The following DSCAM variants were observed in gnomAD, a reference collection of about 807,000 sequenced individuals.
DSCAM encodes DS cell adhesion molecule, also known as cell adhesion molecule DSCAM.
Under a neutral mutation model 217.7 loss-of-function variants are expected in DSCAM, and 47 were observed. The ratio of observed to expected loss-of-function variants is 0.22; its 90% CI spans 0.17 to 0.28. The LOEUF is 0.28. DSCAM is among the 10% of genes least tolerant of loss of function. DSCAM has a pLI of 1.00. For missense variants in DSCAM, 2,080 were observed against 2,618.3 expected (o/e 0.79, Z 4.49); for synonymous variants, 1,056 against 1,015.3 (o/e 1.04, Z -0.76).
At chr21:40,687,021 T>C (rs1241208357) in intron 3 of DSCAM, among the ~76,000 whole-genome samples, 1 of 152,226 alleles carries the variant, frequency 6.6e-6, no homozygotes, top group Non-Finnish European at 1.5e-5. Context: ...TCTCTGTGCC[T>C]TTCTAATTCC....
chr21:40,405,101 T>C (rs544955577), intron 3 of DSCAM, among the ~76,000 whole-genome samples: 7 of 152,286 alleles, frequency 4.6e-5, no homozygotes, highest in African/African-American at 1.4e-4. Context: ...GAATGGGACA[T>C]AGCCCATGGC....
chr21:40,623,822 T>C (rs2089559529), intron 3 of DSCAM, among the ~76,000 whole-genome samples: 1 of 152,208 alleles, frequency 6.6e-6, no homozygotes. Flanking sequence ...GGTGTTTTTG[T>C]TTTGTTTTGT....
rs200850137 is a variant in DSCAM, at chr21:40,776,432, A to G, written c.44-67661T>C. Among the ~76,000 whole-genome samples the G allele has an allele frequency of 3.3e-5, 5 of 152,306 alleles. No homozygotes were observed. In the East Asian group the frequency reaches 7.7e-4, roughly 24 times the overall value. On this transcript the variant is annotated intron_variant, in intron 1 of 32. Coordinates refer to ENST00000400454, the MANE Select transcript of DSCAM (RefSeq NM_001389.5). The stretch of plus-strand genomic sequence containing the variant: ...AAATAGTCATAGAAATGAAAGAAAA[A>G]TCACAACTTTGATAAGTACTACAAA...
chr21:40,578,167 C>G (rs751924123), intron 3 of DSCAM, among the ~76,000 whole-genome samples: 8 of 152,174 alleles, frequency 5.3e-5, no homozygotes, highest in Admixed American at 1.3e-4. Flanking sequence ...CTAACACCGT[C>G]ACAGCCTAGA....
At chr21:40,047,976 T>C (rs8131708) in intron 30 of DSCAM, among the ~76,000 whole-genome samples, 74,206 of 152,048 alleles carry the variant, frequency 0.49, 19,138 homozygotes, top group African/African-American at 0.64. Flanking sequence ...CTCTACATAT[T>C]CTATATGTAG....
chr21:40,531,746 T>C (rs751510882), intron 3 of DSCAM, among the ~76,000 whole-genome samples: 11 of 152,348 alleles, frequency 7.2e-5, no homozygotes, highest in Non-Finnish European at 1.5e-4. Context: ...AATCTTGTCA[T>C]GGAAAATGCA....
chr21:40,112,387 T>C (rs1293223197), intron 20 of DSCAM, among the ~76,000 whole-genome samples: 4 of 151,960 alleles, frequency 2.6e-5, no homozygotes, highest in Non-Finnish European at 5.9e-5. Flanking sequence ...AGACACAACA[T>C]ACCAGAATCT....
intron 20 of DSCAM, among the ~76,000 whole-genome samples, chr21:40,107,385 C>G (rs921570524): frequency 1.3e-5 from 2 of 152,100 alleles, no homozygotes; most frequent in Admixed American, 1.3e-4. Flanking sequence ...TGTTTTACTT[C>G]TGATTAATAT....
chr21:40,355,367 T>G (rs1019226707), intron 4 of DSCAM, among the ~76,000 whole-genome samples: 5 of 152,184 alleles, frequency 3.3e-5, no homozygotes, highest in Admixed American at 2.0e-4. Context: ...GACAGGGCCT[T>G]GTATAATTTT....
At chr21:40,628,377 T>C (rs936007969) in intron 3 of DSCAM, among the ~76,000 whole-genome samples, 1 of 152,172 alleles carries the variant, frequency 6.6e-6, no homozygotes, top group African/African-American at 2.4e-5. Context: ...ACTGTACCTC[T>C]ACAGGCCTCT....
chr21:40,832,211 T>G (rs6517623), intron 1 of DSCAM, among the ~76,000 whole-genome samples: 110,294 of 152,078 alleles, frequency 0.73, 40,167 homozygotes, highest in East Asian at 0.77. Flanking sequence ...TTCTTTACGA[T>G]GGTCATAATA....
At chr21:40,231,942 A>ATG (rs1375558634) in intron 11 of DSCAM, among the ~76,000 whole-genome samples, 1 of 152,246 alleles carries the variant, frequency 6.6e-6, no homozygotes, top group Non-Finnish European at 1.5e-5. Flanking sequence ...GAGCAGCACA[A>ATG]TGAGAAACTG....
intron 11 of DSCAM, among the ~76,000 whole-genome samples, chr21:40,213,738 T>C (rs892799189): frequency 6.6e-6 from 1 of 151,996 alleles, no homozygotes. Flanking sequence ...TGAAAATAAG[T>C]GGAGTCAAGG....
chr21:40,128,934 G>T (rs1390480107), intron 19 of DSCAM, among the ~76,000 whole-genome samples: 1 of 152,160 alleles, frequency 6.6e-6, no homozygotes, highest in African/African-American at 2.4e-5. Flanking sequence ...AAATACAAGT[G>T]GGTAAGCCCT....
At chr21:40,528,406 T>C (rs1337734019) in intron 3 of DSCAM, among the ~76,000 whole-genome samples, 3 of 152,222 alleles carry the variant, frequency 2.0e-5, no homozygotes, top group Non-Finnish European at 4.4e-5. Context: ...TTGTTATACA[T>C]TATTATACAT....
At chr21:40,650,092 C>T (rs1568962621) in intron 3 of DSCAM, among the ~76,000 whole-genome samples, 1 of 152,140 alleles carries the variant, frequency 6.6e-6, no homozygotes. Flanking sequence ...TGCAATTTTA[C>T]CAGGTGCTAT....
At chr21:40,807,416 C>T (rs960967065) in intron 1 of DSCAM, among the ~76,000 whole-genome samples, 7 of 152,094 alleles carry the variant, frequency 4.6e-5, no homozygotes, top group Non-Finnish European at 5.9e-5. Flanking sequence ...CTGCCATCAG[C>T]CAAATTGCAG....
Position 40,339,147 on chromosome 21 carries a change from G to A in DSCAM, c.1479C>T (p.Val493=). 1 of 1,614,168 alleles carries A rather than the reference G, an allele frequency of 6.2e-7. No individual in the cohort carries two copies. Among genetic ancestry groups the A allele is most frequent in the South Asian group, 1.1e-5 (1 of 91,080 alleles). Residue 493 remains valine (V), a synonymous_variant, in exon 7 of 33, where the codon GTC becomes GTT. Coordinates refer to ENST00000400454, the MANE Select transcript of DSCAM (RefSeq NM_001389.5). The part of the protein sequence containing the change: ...RCTANNSAGV[V]LYQARINVRG... Reference sequence around the variant, plus strand: ...TTACGTTTATTCGAGCCTGGTACAGGACGACTCCCGCCGAGTTGTTGGCAG... The same window carrying A: ...TTACGTTTATTCGAGCCTGGTACAGAACGACTCCCGCCGAGTTGTTGGCAG...
At chr21:40,331,139 G>C (rs2074373745) in intron 8 of DSCAM, among the ~76,000 whole-genome samples, 1 of 152,208 alleles carries the variant, frequency 6.6e-6, no homozygotes, top group South Asian at 2.1e-4. Context: ...CCAGTATCTA[G>C]AGAGATAGTA....
Sources: allele counts gnomAD v4.1 joint callset (sites outside exome capture counted in the v4.1 genomes callset), GRCh38; gene constraint gnomAD v4.1.1; transcripts MANE v1.5; gene names NCBI Gene and HGNC (gene_info 2026-07-23, HGNC 2026-07-21).